Variants in SLC4A3 observed in about 807,000 individuals in gnomAD.
The protein encoded by SLC4A3 is anion exchange protein 3.
Under a neutral mutation model 114.2 loss-of-function variants are expected in SLC4A3, and 47 were observed. That is an observed-to-expected ratio of 0.41 (90% CI 0.33 to 0.52). The LOEUF (loss-of-function observed/expected upper bound fraction) is 0.52, where lower values mean the gene tolerates loss of function less well. Ranked by LOEUF, SLC4A3 falls within the 20% of genes least tolerant of loss-of-function variation. The pLI, the probability that SLC4A3 is intolerant of heterozygous loss-of-function variation, is 0.21. For synonymous variants in SLC4A3, 693 were observed against 710.3 expected (o/e 0.98, Z 0.39); for missense variants, 1,312 against 1,668.3 (o/e 0.79, Z 3.72).
chr2:219,629,098 C>T (rs779963187), intron 3 of SLC4A3, 46 bp from the exon 4 acceptor site: 3 of 1,526,306 alleles, frequency 2.0e-6, no homozygotes, highest in South Asian at 2.5e-5. Flanking sequence ...GGGGAGGGCC[C>T]CTGTTTCTGC....
At chr2:219,627,871 A>C in intron 1 of SLC4A3, 29 bp from the exon 2 acceptor site, 1 of 762,090 alleles carries the variant, frequency 1.3e-6, no homozygotes, top group Non-Finnish European at 2.1e-6. Context: ...CGCCAGCGCA[A>C]GGAACCTGAC....
At chr2:219,634,391 C>T (rs1188079739) in intron 11 of SLC4A3, 29 bp from the exon 12 acceptor site, 2 of 1,610,404 alleles carry the variant, frequency 1.2e-6, no homozygotes, top group Admixed American at 3.3e-5. Context: ...TCTCTTTGCC[C>T]AGCGCCCTGT....
rs146612185 is a variant in SLC4A3 at position 219,629,328 on chromosome 2, G to A, written c.402G>A (p.Val134=). The part of the protein sequence containing the change: ...PPIQEEGGAG[V]DEEEEEEEEE... Reference sequence around the variant, plus strand: ...TCCAGGAGGAGGGGGGAGCTGGAGTGGATGAGGAAGAGGAGGAAGAGGAGG... The same window carrying A: ...TCCAGGAGGAGGGGGGAGCTGGAGTAGATGAGGAAGAGGAGGAAGAGGAGG... Residue 134 remains valine, a synonymous_variant, in exon 4 of 23, where the codon GTG becomes GTA. Coordinates refer to ENST00000358055, the MANE Select transcript of SLC4A3 (RefSeq NM_005070.4). 6.4e-5 allele frequency: 103 copies of A among 1,612,328 alleles called. No homozygotes were observed. The African/African-American group carries it at 1.1e-3, about 17-fold the overall frequency.
chr2:219,639,246 A>C lies in SLC4A3; in HGVS notation c.3024-236A>C, dbSNP rs1489329057. On this transcript the variant is annotated intron_variant, in intron 19 of 22. Coordinates refer to ENST00000358055, the MANE Select transcript of SLC4A3 (RefSeq NM_005070.4). The surrounding 1 kb of genome is among the most constrained non-coding windows in gnomAD (Gnocchi z 5.9). The stretch of plus-strand genomic sequence containing the variant: ...TTGGTTAAACCACAATAACGTGGTA[A>C]GATCTGGCATCTGGCTTTTGTGGTG... 6.6e-6 allele frequency among the ~76,000 whole-genome samples: 1 copy of C among 152,190 alleles called. No homozygotes were observed. The highest frequency in any genetic ancestry group is 1.5e-5 in the Non-Finnish European group (1 of 68,022).
chr2:219,629,619 C>G lies in SLC4A3; in HGVS notation c.535C>G (p.Pro179Ala). 3 of 1,613,240 alleles carry G rather than the reference C, an allele frequency of 1.9e-6. No homozygotes were observed. The highest frequency in any genetic ancestry group is 2.5e-6 in the Non-Finnish European group (3 of 1,179,798). Residue 179 changes from proline (P) to alanine (A), a missense_variant, in exon 5 of 23, where the codon CCT (proline) becomes GCT (alanine). Transcript: ENST00000358055. ...TGACGAGGATGACAGTCCAGGCCTC[C>G]CTGGGAGGGCTGCTGTCACCAAGCC... ...GSDEDDSPGL[P>A]GRAAVTKPLP...
rs756476181 is a variant in SLC4A3, at chr2:219,634,410, C to A, written c.1562-10C>A. 11 of 1,613,518 alleles carry A rather than the reference C, an allele frequency of 6.8e-6. No homozygotes were observed. The highest frequency in any genetic ancestry group is 8.5e-6 in the Non-Finnish European group (10 of 1,179,666). ...TTTGCCCAGCGCCCTGTGCTTTCCT[C>A]TTCCCCTAGGTTGTGTGCCTTTCTT... On this transcript the variant is annotated splice_polypyrimidine_tract_variant and intron_variant, in intron 11 of 22. Transcript: ENST00000358055.
rs1300955855 is a variant in SLC4A3, at chr2:219,637,614, C to G, written c.2569C>G (p.Pro857Ala). 10 of 1,607,552 alleles carry G rather than the reference C, an allele frequency of 6.2e-6. No individual in the cohort carries two copies. The highest frequency in any genetic ancestry group is 7.7e-6 in the Non-Finnish European group (9 of 1,175,934). ...AGAGCACCCACTGCTGCCGTTCTAC[C>G]CCCCTGAGGGGGCCCTGGAGGGGTC... Reference protein sequence around the residue: ...FTEHPLLPFYPPEGALEGSLD... With the variant: ...FTEHPLLPFYAPEGALEGSLD... Residue 857 changes from proline (P) to alanine (A), a missense_variant, in exon 17 of 23, where the codon CCC (proline) becomes GCC (alanine). By Grantham distance (27) the Pro-to-Ala change is conservative. Coordinates refer to ENST00000358055, the MANE Select transcript of SLC4A3 (RefSeq NM_005070.4). The surrounding 1 kb of genome is among the most constrained non-coding windows in gnomAD (Gnocchi z 4.6).
chr2:219,629,437 T>C lies in SLC4A3; in HGVS notation c.495+16T>C, dbSNP rs1698838831. The C allele has an allele frequency of 4.4e-6, 7 of 1,595,174 alleles. No homozygotes were observed. The highest frequency in any genetic ancestry group is 6.0e-6 in the Non-Finnish European group (7 of 1,169,434). On this transcript the variant is annotated intron_variant, in intron 4 of 22. Coordinates refer to ENST00000358055, the MANE Select transcript of SLC4A3 (RefSeq NM_005070.4). ...GAAGGCAAAGGTAGGGGCTTCCCTT[T>C]GGAGGGGTGGCAGGTCAGGGGTCAG... is the stretch of plus-strand genomic sequence containing the variant.
Position 219,636,496 on chromosome 2 carries a change from T to C in SLC4A3, c.2340+46T>C, listed in dbSNP as rs376616393. 9.1e-6 allele frequency: 14 copies of C among 1,539,192 alleles called. No individual in the cohort carries two copies. The highest frequency in any genetic ancestry group is 1.5e-5 in the African/African-American group (1 of 65,714). Reference sequence around the variant, plus strand: ...GCTCCATCCATCCTGCCCCACACTCTTCCTTACCTACATCCTGCCCCACAC... The same window carrying C: ...GCTCCATCCATCCTGCCCCACACTCCTCCTTACCTACATCCTGCCCCACAC... On this transcript the variant is annotated intron_variant, in intron 15 of 22. Transcript: ENST00000358055. This position sits in a 1 kb window ranked among gnomAD's most constrained non-coding sequence, Gnocchi z 5.5.
At chr2:219,634,201 G>GA (rs935366471) in intron 11 of SLC4A3, among the ~76,000 whole-genome samples, 15 of 151,884 alleles carry the variant, frequency 9.9e-5, no homozygotes, top group Non-Finnish European at 2.2e-4. Context: ...GTTGGAATTA[G>GA]AAAAAAAAGC....
rs1345697443 is a variant in SLC4A3, at chr2:219,638,819, T to A, written c.2973T>A (p.Val991=). 6.2e-7 allele frequency: 1 copy of A among 1,614,122 alleles called. No individual in the cohort carries two copies. Among genetic ancestry groups the A allele is most frequent in the Admixed American group, 1.7e-5 (1 of 60,020 alleles). ...CGTGGATGATGGTGGCAGCCGCTGT[T>A]CCCGCCCTCCTCGTCCTCATCCTGA... is the stretch of plus-strand genomic sequence containing the variant. ...FPPWMMVAAA[V]PALLVLILIF... The change falls in exon 19 of 23, where the codon GTT becomes GTA. Residue 991 remains valine, a synonymous_variant. Coordinates refer to ENST00000358055, the MANE Select transcript of SLC4A3 (RefSeq NM_005070.4). This position sits in a 1 kb window ranked among gnomAD's most constrained non-coding sequence, Gnocchi z 7.5.
rs1429807351 is a variant in SLC4A3 at position 219,637,402 on chromosome 2, G to A, written c.2536-179G>A. Among the ~76,000 whole-genome samples the A allele has an allele frequency of 1.3e-5, 2 of 151,814 alleles. No homozygotes were observed. The highest frequency in any genetic ancestry group is 2.9e-5 in the Non-Finnish European group (2 of 67,938). On this transcript the variant is annotated intron_variant, in intron 16 of 22. Coordinates refer to ENST00000358055, the MANE Select transcript of SLC4A3 (RefSeq NM_005070.4). This position sits in a 1 kb window ranked among gnomAD's most constrained non-coding sequence, Gnocchi z 4.6. The stretch of plus-strand genomic sequence containing the variant: ...TGTGTTGTTACGTGTTGTGTGTGTT[G>A]TATGTGTGTGTTCTGTGTGTTCTGT...
At position 219,634,395 on chromosome 2, in the gene SLC4A3, G is replaced by T. The variant is rs377090242; in HGVS notation, c.1562-25G>T. 4 of 1,611,984 alleles carry T rather than the reference G, an allele frequency of 2.5e-6. No homozygotes were observed. In the Admixed American group the frequency reaches 6.7e-5, roughly 27 times the overall value. ...CCTTGACTGCTTCTCTTTGCCCAGC[G>T]CCCTGTGCTTTCCTCTTCCCCTAGG... On this transcript the variant is annotated intron_variant, in intron 11 of 22. Coordinates refer to ENST00000358055, the MANE Select transcript of SLC4A3 (RefSeq NM_005070.4).
rs1445351873 is a variant in SLC4A3 at position 219,636,106 on chromosome 2, G to A, written c.2192-196G>A. 6.6e-6 allele frequency among the ~76,000 whole-genome samples: 1 copy of A among 152,162 alleles called. No homozygotes were observed. Among genetic ancestry groups the A allele is most frequent in the Non-Finnish European group, 1.5e-5 (1 of 68,024 alleles). On this transcript the variant is annotated intron_variant, in intron 14 of 22. Transcript: ENST00000358055. The surrounding 1 kb of genome is among the most constrained non-coding windows in gnomAD (Gnocchi z 5.5). ...AAGTGAGGGTGTGGGAGAGGTGTAA[G>A]GGATGAGGGATCCTGTGATCACCAT...
chr2:219,628,026 G>A lies in SLC4A3; in HGVS notation c.34G>A (p.Ala12Thr). Residue 12 changes from alanine to threonine, a missense_variant, in exon 2 of 23, where the codon GCC becomes ACC. Ala to Thr is a moderately conservative substitution (Grantham distance 58). This residue lies in a region of SLC4A3 where 236 missense variants were observed against 212.1 expected (regional missense o/e 1.11). Coordinates refer to ENST00000358055, the MANE Select transcript of SLC4A3 (RefSeq NM_005070.4). This position sits in a 1 kb window ranked among gnomAD's most constrained non-coding sequence, Gnocchi z 4.8. ...CGGAGTGATCCCGCCGCCCGGGGGCGCCTCCCCCCTACCCCAGGTGATCGG... is the reference window on the plus strand; with the variant it reads ...CGGAGTGATCCCGCCGCCCGGGGGCACCTCCCCCCTACCCCAGGTGATCGG... ...ANGVIPPPGG[A>T]SPLPQVRVPL... is the part of the protein sequence containing the mutation. 6.3e-7 allele frequency: 1 copy of A among 1,583,724 alleles called. No individual in the cohort carries two copies. The highest frequency in any genetic ancestry group is 8.6e-7 in the Non-Finnish European group (1 of 1,167,528).
At chr2:219,633,834 G>T in intron 10 of SLC4A3, 46 bp from the exon 11 acceptor site, 2 of 1,550,570 alleles carry the variant, frequency 1.3e-6, no homozygotes, top group East Asian at 2.4e-5. Flanking sequence ...GGCCTGCCAC[G>T]GCCTCCGGTC....
At position 219,635,345 on chromosome 2, in the gene SLC4A3, C is replaced by A; in HGVS notation, c.1821C>A (p.Gly607=). The change falls in exon 13 of 23, where the codon GGC becomes GGA. Residue 607 remains glycine, a synonymous_variant. Coordinates refer to ENST00000358055, the MANE Select transcript of SLC4A3 (RefSeq NM_005070.4). The part of the protein sequence containing the change: ...LLSAISEFLD[G]SIVIPPSEVE... ...GTGCCATCAGCGAGTTCCTGGATGG[C>A]AGCATTGTGATCCCCCCGTCCGAGG... 1 of 1,614,200 alleles carries A rather than the reference C, an allele frequency of 6.2e-7. No homozygotes were observed. The highest frequency in any genetic ancestry group is 8.5e-7 in the Non-Finnish European group (1 of 1,180,028).
chr2:219,641,062 G>T lies in SLC4A3; in HGVS notation c.3621+100G>T, dbSNP rs1699310678. On this transcript the variant is annotated intron_variant, in intron 22 of 22. Coordinates refer to ENST00000358055, the MANE Select transcript of SLC4A3 (RefSeq NM_005070.4). This position sits in a 1 kb window ranked among gnomAD's most constrained non-coding sequence, Gnocchi z 4.0. ...ACTAGTTGTGTTAGTTGTGAAACTT[G>T]TGTAACTTGTGTTGCAAGTTATCTC... 1.7e-6 allele frequency: 2 copies of T among 1,152,790 alleles called. No individual in the cohort carries two copies. The highest frequency in any genetic ancestry group is 4.8e-5 in the East Asian group (2 of 41,794). The allele number at this position is 1,152,790 out of a possible 1,614,324, so 71.4% of individuals were successfully genotyped here.
At position 219,628,141 on chromosome 2, in the gene SLC4A3, C is replaced by G; in HGVS notation, c.51+98C>G. 1 of 1,031,716 alleles carries G rather than the reference C, an allele frequency of 9.7e-7. No homozygotes were observed. The allele number at this position is 1,031,716 out of a possible 1,614,324, so 63.9% of individuals were successfully genotyped here. A position where few individuals can be genotyped will look rare whatever the true frequency, so the allele number is the denominator to read the frequency against. On this transcript the variant is annotated intron_variant, in intron 2 of 22. Coordinates refer to ENST00000358055, the MANE Select transcript of SLC4A3 (RefSeq NM_005070.4). The surrounding 1 kb of genome is among the most constrained non-coding windows in gnomAD (Gnocchi z 4.8). ...TCCTCTGGCCGACCCCGGGACCCCC[C>G]AGATCCAGGGATGAGCTGGGCTGGG...
Sources: allele counts gnomAD v4.1 joint callset (sites outside exome capture counted in the v4.1 genomes callset), GRCh38; gene constraint gnomAD v4.1.1; regional missense constraint gnomAD v4.1.1; non-coding constraint Gnocchi (gnomAD v3.1); transcripts MANE v1.5; gene names NCBI Gene and HGNC (gene_info 2026-07-23, HGNC 2026-07-21).